Variants in RSPH10B observed in about 807,000 individuals in gnomAD.
RSPH10B encodes radial spoke head 10 homolog B.
In RSPH10B, 7 loss-of-function variants were observed where a neutral mutation model predicts 52.5. That is an observed-to-expected ratio of 0.13 (90% confidence interval 0.08 to 0.25). RSPH10B has a LOEUF of 0.25. Ranked by LOEUF, RSPH10B falls within the 10% of genes least tolerant of loss-of-function variation. RSPH10B has a pLI of 1.00. For synonymous variants in RSPH10B, 28 were observed against 193.2 expected, an observed-to-expected ratio of 0.14 and a Z score of 7.09; for missense variants, 89 against 542.5, an observed-to-expected ratio of 0.16 and a Z score of 8.30.
chr7:5,928,771 G>A (rs1301542674), intron 17 of RSPH10B, among the ~76,000 whole-genome samples: 1 of 150,144 alleles, frequency 6.7e-6, no homozygotes, highest in African/African-American at 2.5e-5. Context: ...AGCTACAGGC[G>A]TGCGCCATCA....
intron 6 of RSPH10B, among the ~76,000 whole-genome samples, 153 bp from the exon 9 acceptor site, chr7:5,956,334 G>C (rs1397207469): frequency 6.2e-4 from 5 of 8,082 alleles, no homozygotes; most frequent in Admixed American, 3.9e-3. Context: ...TTTCAGCTCA[G>C]CTACTTACTA....
intron 5 of RSPH10B, 80 bp from the exon 8 acceptor site, chr7:5,958,107 C>G: frequency 2.3e-6 from 1 of 433,938 alleles, no homozygotes; most frequent in Non-Finnish European, 4.1e-6. Flanking sequence ...TTTAAACACT[C>G]CCCTTGAGCT....
At chr7:5,965,904 C>T (rs1781089348) in intron 1 of RSPH10B, among the ~76,000 whole-genome samples, 192 bp from the exon 4 acceptor site, 1 of 120,706 alleles carries the variant, frequency 8.3e-6, no homozygotes, top group Non-Finnish European at 1.7e-5. Context: ...GGAATGAAGG[C>T]GTTTCGGGGT....
chr7:5,942,435 G>A (rs1489635922), intron 13 of RSPH10B, among the ~76,000 whole-genome samples: 7 of 131,184 alleles, frequency 5.3e-5, no homozygotes, highest in African/African-American at 1.7e-4. Context: ...TCACTATGTT[G>A]CCCAGGCTGG....
chr7:5,955,152 G>A (rs1164872293), intron 7 of RSPH10B, among the ~76,000 whole-genome samples: 5 of 138,126 alleles, frequency 3.6e-5, no homozygotes, highest in East Asian at 3.4e-4. Context: ...GCAACAGAGC[G>A]AAACTCTGTC....
intron 13 of RSPH10B, among the ~76,000 whole-genome samples, chr7:5,940,624 A>G (rs539682089): frequency 1.8e-3 from 19 of 10,286 alleles, no homozygotes; most frequent in African/African-American, 5.4e-3. Flanking sequence ...TGACTGACAG[A>G]GACTGTGAGA....
chr7:5,931,511 G>T (rs1302217577), intron 17 of RSPH10B, among the ~76,000 whole-genome samples: 1 of 151,288 alleles, frequency 6.6e-6, no homozygotes, highest in African/African-American at 2.4e-5. Context: ...AGATCACTTG[G>T]GCCCGGGAGT....
intron 18 of RSPH10B, among the ~76,000 whole-genome samples, chr7:5,927,060 G>GTGTGTATATATATA (rs1397872257): frequency 8.2e-5 from 6 of 72,746 alleles, no homozygotes; most frequent in African/African-American, 2.4e-4. Flanking sequence ...ATGTGTGTGT[G>GTGTGTATATATATA]TGTGTGTATA....
chr7:5,968,891 G>T (rs1583257925), upstream of RSPH10B, among the ~76,000 whole-genome samples: 1 of 40,728 alleles, frequency 2.5e-5, no homozygotes, highest in East Asian at 1.6e-3. Flanking sequence ...AGGTTGGAAT[G>T]CAGTGGCAGG....
At chr7:5,927,066 G>GTGTGTGTATA (rs1554284543) in intron 18 of RSPH10B, among the ~76,000 whole-genome samples, 19 of 107,328 alleles carry the variant, frequency 1.8e-4, no homozygotes, top group South Asian at 1.0e-3. Context: ...GTGTGTGTGT[G>GTGTGTGTATA]TATATGTGTG....
intron 13 of RSPH10B, among the ~76,000 whole-genome samples, chr7:5,941,574 C>T (rs528566106): frequency 6.7e-6 from 1 of 149,658 alleles, no homozygotes; most frequent in African/African-American, 2.4e-5. Flanking sequence ...GAAACCCTGT[C>T]TCTACTAAAA....
intron 11 of RSPH10B, among the ~76,000 whole-genome samples, 157 bp downstream of exon 13, chr7:5,944,907 G>A (rs1158028019): frequency 5.4e-5 from 8 of 148,572 alleles, no homozygotes; most frequent in African/African-American, 1.0e-4. Context: ...AGGTTGCAGT[G>A]AGCCAAGATT....
intron 17 of RSPH10B, among the ~76,000 whole-genome samples, chr7:5,931,265 G>C (rs1209760666): frequency 6.7e-6 from 1 of 149,998 alleles, no homozygotes; most frequent in East Asian, 1.9e-4. Context: ...GGCATATGCA[G>C]CACATGTGTG....
At chr7:5,968,322 GGAGGTTGCAGTGAGCC>G (rs1433788994), upstream of RSPH10B, among the ~76,000 whole-genome samples, 1 of 136,114 alleles carries the variant, frequency 7.3e-6, no homozygotes, top group Non-Finnish European at 1.6e-5. Context: ...CCCAGGAGGT[GGAGGTTGCAGTGAGCC>G]GAGATCACAC....
At chr7:5,930,898 G>A (rs1779727432) in intron 17 of RSPH10B, among the ~76,000 whole-genome samples, 1 of 66,314 alleles carries the variant, frequency 1.5e-5, no homozygotes, top group Admixed American at 1.6e-4. Context: ...AAGAAAGTGG[G>A]ATCTAGAGGG....
chr7:5,942,140 C>A (rs186337169), intron 13 of RSPH10B, among the ~76,000 whole-genome samples: 1 of 148,180 alleles, frequency 6.7e-6, no homozygotes, highest in East Asian at 1.9e-4. Context: ...GGTGATCCAC[C>A]CCCTCCGCCT....
intron 17 of RSPH10B, among the ~76,000 whole-genome samples, chr7:5,931,698 TAAA>T (rs5882077): frequency 1.3e-4 from 19 of 141,134 alleles, no homozygotes; most frequent in Non-Finnish European, 1.6e-4. Context: ...ACCCACCTCT[TAAA>T]AAAAAAAAAA....
At chr7:5,943,752 G>T (rs550219167) in intron 12 of RSPH10B, among the ~76,000 whole-genome samples, 159 bp downstream of exon 14, 14 of 151,196 alleles carry the variant, frequency 9.3e-5, no homozygotes, top group Non-Finnish European at 1.8e-4. Flanking sequence ...TGCCATGTTG[G>T]CCAGGCTGGT....
At chr7:5,927,025 G>GTGTGTGTGTATTA (rs1779472342) in intron 18 of RSPH10B, among the ~76,000 whole-genome samples, 1 of 20,178 alleles carries the variant, frequency 5.0e-5, no homozygotes, top group African/African-American at 1.7e-4. Context: ...AAAGTTACGT[G>GTGTGTGTGTATTA]TGTGTGTGTG....
Sources: allele counts gnomAD v4.1 joint callset (sites outside exome capture counted in the v4.1 genomes callset), GRCh38; gene constraint gnomAD v4.1.1; transcripts MANE v1.5; gene names NCBI Gene and HGNC (gene_info 2026-07-23, HGNC 2026-07-21).